The following FHIT variants were observed in gnomAD, a reference collection of about 807,000 sequenced individuals.
FHIT encodes the protein fragile histidine triad diadenosine triphosphatase.
A neutral mutation model predicts 17.9 loss-of-function variants in FHIT; 19 were observed. The observed-to-expected ratio is 1.06, with a 90% confidence interval of 0.74 to 1.56. The LOEUF (loss-of-function observed/expected upper bound fraction) is 1.56, where lower values mean the gene tolerates loss of function less well. Among genes scored for constraint, FHIT ranks in the 40% most tolerant of loss-of-function variants. The probability of loss-of-function intolerance (pLI) is 0.00; values close to 1 mark genes in which losing one functional copy is unlikely to be tolerated. For missense variants in FHIT, 248 were observed against 189.2 expected (o/e 1.31, Z -1.82); for synonymous variants, 81 against 69.7 (o/e 1.16, Z -0.81).
intron 2 of FHIT, among the ~76,000 whole-genome samples, chr3:61,076,033 A>G (rs1048750227): frequency 2.0e-5 from 3 of 152,170 alleles, no homozygotes; most frequent in Non-Finnish European, 4.4e-5. Flanking sequence ...CCAAGTTACT[A>G]ATATCTTCAT....
chr3:59,802,799 T>A (rs565226), intron 8 of FHIT, among the ~76,000 whole-genome samples: 1 of 152,242 alleles, frequency 6.6e-6, no homozygotes, highest in African/African-American at 2.4e-5. Flanking sequence ...AACTAGTCAC[T>A]TCACTACTGC....
chr3:60,478,939 A>G (rs1292153108), intron 5 of FHIT, among the ~76,000 whole-genome samples: 1 of 152,164 alleles, frequency 6.6e-6, no homozygotes, highest in East Asian at 1.9e-4. Context: ...TTGCTCTGGG[A>G]ATTACAGATG....
In FHIT at chr3:59,932,005, C is replaced by T. The variant is rs1705996446; in HGVS notation, c.280-9591G>A. On this transcript the variant is annotated intron_variant, in intron 7 of 9. Coordinates refer to ENST00000492590, the MANE Select transcript of FHIT (RefSeq NM_002012.4). ...AAAAGCAAGATAATGGAATGTGATG[C>T]TATATAAAGTGTCACTGAACTCTGA... Among the ~76,000 whole-genome samples, 3 of 152,194 alleles carry T rather than the reference C, an allele frequency of 2.0e-5. 1 individual carries two copies. Among genetic ancestry groups the T allele is most frequent in the Admixed American group, 6.5e-5 (1 of 15,284 alleles).
chr3:60,066,877 C>T (rs1259340207), intron 5 of FHIT, among the ~76,000 whole-genome samples: 1 of 151,894 alleles, frequency 6.6e-6, no homozygotes, highest in Non-Finnish European at 1.5e-5. Flanking sequence ...ATCTCCTGAC[C>T]TTGTGATCCG....
chr3:59,909,756 C>T (rs1168096494), intron 8 of FHIT, among the ~76,000 whole-genome samples: 3 of 152,140 alleles, frequency 2.0e-5, no homozygotes, highest in African/African-American at 7.2e-5. Context: ...CAAACAACTG[C>T]CAGTAAATAT....
At chr3:60,002,421 T>C (rs1416679257) in intron 7 of FHIT, among the ~76,000 whole-genome samples, 1 of 152,174 alleles carries the variant, frequency 6.6e-6, no homozygotes, top group East Asian at 1.9e-4. Context: ...GAGGCTTCTT[T>C]GGAGAACGGA....
chr3:60,742,644 C>T (rs1379820278), intron 4 of FHIT, among the ~76,000 whole-genome samples: 1 of 152,190 alleles, frequency 6.6e-6, no homozygotes, highest in Non-Finnish European at 1.5e-5. Context: ...CAGCATTCTG[C>T]TTTTAGGAAC....
intron 5 of FHIT, among the ~76,000 whole-genome samples, chr3:60,231,148 G>A (rs1169793482): frequency 6.6e-6 from 1 of 152,168 alleles, no homozygotes; most frequent in East Asian, 1.9e-4. Context: ...TCATATTTGT[G>A]AAATGGGAGG....
At chr3:60,042,659 T>A (rs1264939316) in intron 5 of FHIT, among the ~76,000 whole-genome samples, 2 of 152,134 alleles carry the variant, frequency 1.3e-5, no homozygotes, top group Non-Finnish European at 2.9e-5. Flanking sequence ...CTTAACCTGA[T>A]TACCTCTGTA....
intron 5 of FHIT, among the ~76,000 whole-genome samples, chr3:60,502,625 TTTA>T (rs1173134399): frequency 2.0e-5 from 3 of 152,206 alleles, no homozygotes; most frequent in African/African-American, 7.2e-5. Flanking sequence ...TTGATAATTT[TTTA>T]TTTATTGCCT....
intron 5 of FHIT, among the ~76,000 whole-genome samples, chr3:60,173,900 TATATATATATA>T (rs1576250816): frequency 1.3e-5 from 1 of 75,994 alleles, no homozygotes; most frequent in East Asian, 6.9e-4. Flanking sequence ...TATATATATA[TATATATATATA>T]TATATGTTTT....
intron 4 of FHIT, among the ~76,000 whole-genome samples, chr3:60,798,746 C>T (rs190492614): frequency 2.3e-3 from 324 of 143,060 alleles, no homozygotes; most frequent in Non-Finnish European, 4.1e-3. Flanking sequence ...TGCACTACTG[C>T]AATAGCTTTT....
intron 8 of FHIT, among the ~76,000 whole-genome samples, chr3:59,835,500 A>C (rs1451669905): frequency 6.6e-6 from 1 of 152,140 alleles, no homozygotes; most frequent in Non-Finnish European, 1.5e-5. Context: ...ATTTGTTGAC[A>C]TTTTTATGGA....
chr3:59,807,986 T>G (rs1559624119), intron 8 of FHIT, among the ~76,000 whole-genome samples: 1 of 152,188 alleles, frequency 6.6e-6, no homozygotes, highest in African/African-American at 2.4e-5. Flanking sequence ...TGGCATTTAG[T>G]GCATTCAACA....
chr3:60,274,403 A>G (rs1243517727), intron 5 of FHIT, among the ~76,000 whole-genome samples: 1 of 152,220 alleles, frequency 6.6e-6, no homozygotes, highest in Non-Finnish European at 1.5e-5. Context: ...TTGAAGAACG[A>G]AATGACAAAA....
At chr3:60,470,080 C>CTCTCTCT (rs370993192) in intron 5 of FHIT, among the ~76,000 whole-genome samples, 1 of 151,110 alleles carries the variant, frequency 6.6e-6, no homozygotes, top group African/African-American at 2.4e-5. Flanking sequence ...CTCTCTCTCT[C>CTCTCTCT]CAGAGCTGCC....
chr3:60,934,754 C>A (rs1054355648), intron 3 of FHIT, among the ~76,000 whole-genome samples: 1 of 152,110 alleles, frequency 6.6e-6, no homozygotes, highest in African/African-American at 2.4e-5. Flanking sequence ...TCACAAGAAT[C>A]TCTGCCTCCA....
chr3:59,964,198 G>A (rs529761269), intron 7 of FHIT, among the ~76,000 whole-genome samples: 2 of 152,126 alleles, frequency 1.3e-5, no homozygotes, highest in South Asian at 2.1e-4. Flanking sequence ...CAGGGTAAAG[G>A]CTCAAATATA....
intron 5 of FHIT, among the ~76,000 whole-genome samples, chr3:60,278,824 C>A (rs11130762): frequency 6.6e-6 from 1 of 151,916 alleles, no homozygotes; most frequent in African/African-American, 2.4e-5. Context: ...AAACTTTAAA[C>A]TATTTTAAAC....
Sources: gnomAD v4.1 joint callset for allele counts (sites outside exome capture counted in the v4.1 genomes callset) on GRCh38, gnomAD v4.1.1 for gene constraint, MANE v1.5 for transcripts, NCBI Gene and HGNC (gene_info 2026-07-23, HGNC 2026-07-21) for gene names.